Variants in SPECC1 observed in about 807,000 individuals in gnomAD.
The protein encoded by SPECC1 is cytospin-B.
In SPECC1, 62 loss-of-function variants were observed where a neutral mutation model predicts 104.1. The ratio of observed to expected loss-of-function variants is 0.60; its 90% CI spans 0.49 to 0.74. SPECC1 has a LOEUF of 0.74. Ranked by LOEUF, SPECC1 falls within the 30% of genes least tolerant of loss-of-function variation. The pLI, the probability that SPECC1 is intolerant of heterozygous loss-of-function variation, is 0.00. For synonymous variants in SPECC1, 513 were observed against 501.6 expected, an observed-to-expected ratio of 1.02 and a Z score of -0.30; for missense variants, 1,306 against 1,310.5, an observed-to-expected ratio of 1.00 and a Z score of 0.05.
intron 3 of SPECC1, among the ~76,000 whole-genome samples, chr17:20,187,387 A>G (rs573066363): frequency 6.6e-6 from 1 of 152,176 alleles, no homozygotes; most frequent in Non-Finnish European, 1.5e-5. Flanking sequence ...GCAGAGACTC[A>G]ATCAGAATGA....
At chr17:20,133,896 G>A (rs574520222) in intron 3 of SPECC1, among the ~76,000 whole-genome samples, 14 of 152,188 alleles carry the variant, frequency 9.2e-5, no homozygotes, top group Admixed American at 2.6e-4. Context: ...CCCTCACAGC[G>A]TTCAGACGCA....
chr17:20,045,537 A>G (rs1567810291), intron 1 of SPECC1, among the ~76,000 whole-genome samples: 1 of 152,194 alleles, frequency 6.6e-6, no homozygotes, highest in South Asian at 2.1e-4. Context: ...CTCAGATGAC[A>G]TAAGGTTCTT....
chr17:20,102,172 A>T (rs751218184), intron 2 of SPECC1, among the ~76,000 whole-genome samples: 1 of 152,234 alleles, frequency 6.6e-6, no homozygotes, highest in Non-Finnish European at 1.5e-5. Flanking sequence ...AGAAGGAGCA[A>T]GAATTAGTAA....
At chr17:20,212,026 G>T (rs1437006001) in intron 4 of SPECC1, among the ~76,000 whole-genome samples, 1 of 152,178 alleles carries the variant, frequency 6.6e-6, no homozygotes. Flanking sequence ...CCCTACCAGG[G>T]TACAGCCACT....
intron 1 of SPECC1, among the ~76,000 whole-genome samples, chr17:20,074,082 G>C (rs2046664164): frequency 6.6e-6 from 1 of 152,168 alleles, no homozygotes; most frequent in African/African-American, 2.4e-5. Context: ...AGGGTGAATA[G>C]GGCTGCTTCT....
At chr17:20,103,321 A>G (rs999890694) in intron 2 of SPECC1, among the ~76,000 whole-genome samples, 1 of 152,096 alleles carries the variant, frequency 6.6e-6, no homozygotes, top group African/African-American at 2.4e-5. Context: ...CTTTCTCCAC[A>G]TTCGTTTCTC....
chr17:20,283,763 T>G (rs1356791467), intron 12 of SPECC1, among the ~76,000 whole-genome samples: 2 of 152,062 alleles, frequency 1.3e-5, no homozygotes, highest in Non-Finnish European at 2.9e-5. Context: ...ATTTTTGTAT[T>G]TTTTTGGTAG....
intron 1 of SPECC1, among the ~76,000 whole-genome samples, chr17:20,082,730 A>G (rs913821506): frequency 6.6e-6 from 1 of 152,060 alleles, no homozygotes; most frequent in African/African-American, 2.4e-5. Flanking sequence ...ATATGACCTC[A>G]TTGCACCTTA....
intron 1 of SPECC1, among the ~76,000 whole-genome samples, chr17:20,088,111 GC>G (rs1263990576): frequency 6.6e-6 from 1 of 152,174 alleles, no homozygotes; most frequent in Non-Finnish European, 1.5e-5. Context: ...GGTGGGCAGG[GC>G]CAGGAAGCCT....
chr17:20,138,509 C>G (rs1378107436), intron 3 of SPECC1, among the ~76,000 whole-genome samples: 2 of 152,178 alleles, frequency 1.3e-5, no homozygotes, highest in Admixed American at 6.5e-5. Flanking sequence ...CCAAAATCCT[C>G]TGTGCTCTGC....
chr17:20,127,172 C>T (rs1597773326), intron 3 of SPECC1, among the ~76,000 whole-genome samples: 1 of 152,338 alleles, frequency 6.6e-6, no homozygotes. Flanking sequence ...GCTCAACTTT[C>T]ATAGCTATCA....
intron 4 of SPECC1, among the ~76,000 whole-genome samples, chr17:20,215,184 AAT>A (rs1449769171): frequency 6.6e-6 from 1 of 152,174 alleles, no homozygotes; most frequent in African/African-American, 2.4e-5. Context: ...AAGCTGTAGA[AAT>A]ATGTCTAGAC....
chr17:20,170,549 A>G (rs956111253), intron 3 of SPECC1, among the ~76,000 whole-genome samples: 1 of 152,168 alleles, frequency 6.6e-6, no homozygotes, highest in African/African-American at 2.4e-5. Flanking sequence ...TATCACTGGG[A>G]CCTTGCCCAC....
Position 20,219,341 on chromosome 17 carries a change from A to G in SPECC1, c.1864-8072A>G, listed in dbSNP as rs148626736. 2.4e-3 allele frequency among the ~76,000 whole-genome samples: 363 copies of G among 152,274 alleles called. 1 individual carries two copies. Among genetic ancestry groups the G allele is most frequent in the African/African-American group, 8.4e-3 (351 of 41,568 alleles). ...CATTCATGACTTTTGAATAAAAGTC[A>G]TGACTTTTGGATAAAAGCCATTTTA... On this transcript the variant is annotated intron_variant, in intron 4 of 14. Coordinates refer to ENST00000395527, the MANE Select transcript of SPECC1 (RefSeq NM_001243439.2).
At chr17:20,254,268 G>A (rs369332188) in intron 10 of SPECC1, among the ~76,000 whole-genome samples, 26 of 151,958 alleles carry the variant, frequency 1.7e-4, no homozygotes, top group African/African-American at 5.3e-4. Flanking sequence ...TTTGCGTGGC[G>A]TCATATTTCC....
At chr17:20,200,946 C>T (rs1597956358) in intron 3 of SPECC1, among the ~76,000 whole-genome samples, 1 of 149,102 alleles carries the variant, frequency 6.7e-6, no homozygotes, top group African/African-American at 2.5e-5. Context: ...CTGGATTGTA[C>T]ATTTCATAAT....
rs140962209 is a variant in SPECC1 at position 20,043,325 on chromosome 17, G to A, written c.-22+33901G>A. ...GGTGTGAAACTCTGAGATCATGTGA[G>A]CATCCTCTTCCCAAGCAGCCTTTTA... On this transcript the variant is annotated intron_variant, in intron 1 of 14. Coordinates refer to ENST00000395527, the MANE Select transcript of SPECC1 (RefSeq NM_001243439.2). 6.6e-3 allele frequency among the ~76,000 whole-genome samples: 1,009 copies of A among 152,174 alleles called. 12 individuals are homozygous for A. Among genetic ancestry groups the A allele is most frequent in the African/African-American group, 0.023 (962 of 41,514 alleles).
chr17:20,013,446 TA>T (rs1410271932), intron 1 of SPECC1, among the ~76,000 whole-genome samples: 2 of 152,220 alleles, frequency 1.3e-5, no homozygotes, highest in Non-Finnish European at 2.9e-5. Context: ...TTAGCCCATT[TA>T]TATTTATTTT....
intron 7 of SPECC1, among the ~76,000 whole-genome samples, chr17:20,233,578 T>TA (rs2151485947): frequency 6.6e-6 from 1 of 152,348 alleles, no homozygotes; most frequent in Admixed American, 6.5e-5. Flanking sequence ...CTCACTATGT[T>TA]GCCCAGGCTG....
Sources: gnomAD v4.1 joint callset for allele counts (sites outside exome capture counted in the v4.1 genomes callset) on GRCh38, gnomAD v4.1.1 for gene constraint, MANE v1.5 for transcripts, NCBI Gene and HGNC (gene_info 2026-07-23, HGNC 2026-07-21) for gene names.